Variants in PKIG observed in about 807,000 individuals in gnomAD.
The protein encoded by PKIG is cAMP-dependent protein kinase inhibitor gamma.
In PKIG, 1 loss-of-function variant was observed where a neutral mutation model predicts 6.8. The observed-to-expected ratio is 0.15, with a 90% CI of 0.05 to 0.69. The LOEUF is 0.69. PKIG is among the 30% of genes least tolerant of loss of function. The probability of loss-of-function intolerance (pLI) is 0.82; values close to 1 mark genes in which losing one functional copy is unlikely to be tolerated. For synonymous variants in PKIG, 39 were observed against 43.0 expected, an observed-to-expected ratio of 0.91 and a Z score of 0.36; for missense variants, 77 against 104.0, an observed-to-expected ratio of 0.74 and a Z score of 1.13.
At chr20:44,538,281 A>G (rs1355663369) in intron 1 of PKIG, among the ~76,000 whole-genome samples, 1 of 152,180 alleles carries the variant, frequency 6.6e-6, no homozygotes, top group Non-Finnish European at 1.5e-5. Flanking sequence ...CCATGATATC[A>G]TTTTAGTCCT....
intron 2 of PKIG, among the ~76,000 whole-genome samples, chr20:44,599,730 AAAAAC>A (rs754239247): frequency 1.6e-4 from 24 of 152,176 alleles, no homozygotes; most frequent in Admixed American, 9.8e-4. Context: ...CAAAAAAACA[AAAAAC>A]AAAAAACAAA....
At chr20:44,548,029 A>G (rs2064631974) in intron 1 of PKIG, among the ~76,000 whole-genome samples, 1 of 152,046 alleles carries the variant, frequency 6.6e-6, no homozygotes, top group Non-Finnish European at 1.5e-5. Flanking sequence ...AATACAAAAA[A>G]TTAGCCGGGT....
chr20:44,549,919 C>T (rs1420584184), intron 1 of PKIG, among the ~76,000 whole-genome samples: 7 of 152,092 alleles, frequency 4.6e-5, no homozygotes, highest in Admixed American at 2.0e-4. Flanking sequence ...AATATTATAT[C>T]TCTTTCAGTG....
intron 2 of PKIG, among the ~76,000 whole-genome samples, chr20:44,605,406 CAAAAAAAAAA>C (rs34277645): frequency 8.0e-5 from 3 of 37,334 alleles, no homozygotes; most frequent in African/African-American, 3.1e-4. Flanking sequence ...GACTCCGTCT[CAAAAAAAAAA>C]AAAAAAAAAA....
intron 1 of PKIG, among the ~76,000 whole-genome samples, chr20:44,557,424 G>A (rs2064722508): frequency 6.6e-6 from 1 of 150,984 alleles, no homozygotes; most frequent in African/African-American, 2.4e-5. Context: ...TACTCGGGAG[G>A]TTGCTGCAGG....
intron 2 of PKIG, among the ~76,000 whole-genome samples, chr20:44,599,257 C>T (rs549452618): frequency 8.8e-4 from 134 of 152,320 alleles, no homozygotes; most frequent in African/African-American, 2.9e-3. Flanking sequence ...CTAATTCACT[C>T]CCCTGCTTTA....
intron 2 of PKIG, among the ~76,000 whole-genome samples, chr20:44,610,482 CTCTT>C (rs1739092337): frequency 7.7e-6 from 1 of 129,724 alleles, no homozygotes; most frequent in African/African-American, 3.3e-5. Flanking sequence ...CTCTCTCTCT[CTCTT>C]CTCTCTCTCT....
At chr20:44,589,148 AC>A (rs1278991042) in intron 1 of PKIG, among the ~76,000 whole-genome samples, 3 of 152,030 alleles carry the variant, frequency 2.0e-5, no homozygotes, top group Non-Finnish European at 4.4e-5. Flanking sequence ...CAAATGCTGT[AC>A]TTTTTTTTTT....
chr20:44,569,058 G>C (rs545828770), intron 1 of PKIG, among the ~76,000 whole-genome samples: 5 of 152,312 alleles, frequency 3.3e-5, no homozygotes, highest in African/African-American at 1.2e-4. Flanking sequence ...TAGGTTCCCA[G>C]TGAAACTGCA....
rs1163316627 is a variant in PKIG, at chr20:44,614,679, C to T, written c.123C>T (p.Asp41=). Residue 41 remains aspartate (D), a synonymous_variant, in exon 3 of 4, where the codon GAC becomes GAT. Transcript: ENST00000372886. The surrounding 1 kb of genome is among the most constrained non-coding windows in gnomAD (Gnocchi z 4.6). ...TGAGCGTGAGGAAGCTGGCTGGAGACATGGGCGAGCTGGCACTCGAGGGGG... is the reference window on the plus strand; with the variant it reads ...TGAGCGTGAGGAAGCTGGCTGGAGATATGGGCGAGCTGGCACTCGAGGGGG... ...EAVSVRKLAG[D]MGELALEGAE... 1 of 1,613,920 alleles carries T rather than the reference C, an allele frequency of 6.2e-7. No individual in the cohort carries two copies. The highest frequency in any genetic ancestry group is 8.5e-7 in the Non-Finnish European group (1 of 1,180,024).
Position 44,614,427 on chromosome 20 carries a change from C to T in PKIG, c.-23-107C>T. The T allele has an allele frequency of 1.3e-6, 1 of 754,902 alleles. No homozygotes were observed. Among genetic ancestry groups the T allele is most frequent in the East Asian group, 2.6e-5 (1 of 38,670 alleles). 46.8% of individuals were successfully genotyped at this position (754,902 alleles called of 1,614,324 possible). On this transcript the variant is annotated intron_variant, in intron 2 of 3. Coordinates refer to ENST00000372886, the MANE Select transcript of PKIG (RefSeq NM_001281445.2). The surrounding 1 kb of genome is among the most constrained non-coding windows in gnomAD (Gnocchi z 4.6). ...TTTTTGCTTTGTTTTCAATAAGAGGCAATAACTGTCATTTTGACAGAAGCC... is the reference window on the plus strand; with the variant it reads ...TTTTTGCTTTGTTTTCAATAAGAGGTAATAACTGTCATTTTGACAGAAGCC...
chr20:44,585,341 G>A (rs964305106), intron 1 of PKIG: 4 of 152,486 alleles, frequency 2.6e-5, no homozygotes, highest in African/African-American at 9.6e-5. Flanking sequence ...CATCTTGGGA[G>A]TGGAGGTAGG....
chr20:44,551,060 A>G (rs2064663461), intron 1 of PKIG, among the ~76,000 whole-genome samples: 1 of 152,186 alleles, frequency 6.6e-6, no homozygotes, highest in Non-Finnish European at 1.5e-5. Context: ...AAACAAAGCA[A>G]CATTTTCCTG....
chr20:44,593,314 A>G (rs1405568675), intron 2 of PKIG, among the ~76,000 whole-genome samples: 4 of 151,546 alleles, frequency 2.6e-5, no homozygotes, highest in Non-Finnish European at 1.5e-5. Flanking sequence ...AGCCTGGCTG[A>G]AAGAGTGAGA....
At chr20:44,593,261 C>T (rs181816879) in intron 2 of PKIG, among the ~76,000 whole-genome samples, 23 of 151,924 alleles carry the variant, frequency 1.5e-4, no homozygotes, top group African/African-American at 5.6e-4. Context: ...GCCCAGGCAT[C>T]GCATCAAGGC....
chr20:44,583,186 T>C (rs977953947), intron 1 of PKIG, among the ~76,000 whole-genome samples: 1 of 152,344 alleles, frequency 6.6e-6, no homozygotes, highest in Admixed American at 6.5e-5. Flanking sequence ...ACATGGTTGT[T>C]GTGTTAAATT....
chr20:44,597,075 C>A (rs1015884456), intron 2 of PKIG, among the ~76,000 whole-genome samples: 1 of 152,104 alleles, frequency 6.6e-6, no homozygotes, highest in Non-Finnish European at 1.5e-5. Context: ...TTTCTAAACT[C>A]CTCTCTCTCA....
At chr20:44,582,129 A>T (rs188037466), upstream of PKIG, among the ~76,000 whole-genome samples, 1 of 152,256 alleles carries the variant, frequency 6.6e-6, no homozygotes, top group African/African-American at 2.4e-5. Context: ...GCATGTACCT[A>T]GGAGACCTGG....
At chr20:44,552,064 G>C (rs972473725) in intron 1 of PKIG, among the ~76,000 whole-genome samples, 1 of 152,206 alleles carries the variant, frequency 6.6e-6, no homozygotes, top group Non-Finnish European at 1.5e-5. Context: ...TGTAGAATCT[G>C]TTTCTTCTAG....
Sources: gnomAD v4.1 joint callset for allele counts (sites outside exome capture counted in the v4.1 genomes callset) on GRCh38, gnomAD v4.1.1 for gene constraint, Gnocchi (gnomAD v3.1) non-coding constraint, MANE v1.5 for transcripts, NCBI Gene and HGNC (gene_info 2026-07-23, HGNC 2026-07-21) for gene names.